The following FOLH1 variants were observed in gnomAD, a reference collection of about 807,000 sequenced individuals.
FOLH1 encodes folate hydrolase 1, also known as glutamate carboxypeptidase 2.
Under a neutral mutation model 93.9 loss-of-function variants are expected in FOLH1, and 54 were observed. The ratio of observed to expected loss-of-function variants is 0.57; its 90% CI spans 0.46 to 0.72. The LOEUF (loss-of-function observed/expected upper bound fraction) is 0.72, where lower values mean the gene tolerates loss of function less well. FOLH1 is among the 30% of genes least tolerant of loss of function. The probability of loss-of-function intolerance (pLI) is 0.00; values close to 1 mark genes in which losing one functional copy is unlikely to be tolerated. For missense variants in FOLH1, 571 were observed against 892.5 expected, an observed-to-expected ratio of 0.64 and a Z score of 4.59; for synonymous variants, 249 against 303.6, an observed-to-expected ratio of 0.82 and a Z score of 1.87.
chr11:49,192,434 A>G (rs1305240214), intron 4 of FOLH1, among the ~76,000 whole-genome samples: 3 of 152,230 alleles, frequency 2.0e-5, no homozygotes, highest in African/African-American at 4.8e-5. Flanking sequence ...AAAGAAAGAT[A>G]TCCTCTGGGG....
At chr11:49,167,659 A>G (rs1858574788) in intron 12 of FOLH1, among the ~76,000 whole-genome samples, 1 of 152,130 alleles carries the variant, frequency 6.6e-6, no homozygotes, top group African/African-American at 2.4e-5. Flanking sequence ...CACTAAAAAT[A>G]CAAAAATTAG....
At chr11:49,178,161 A>G (rs35664542) in intron 7 of FOLH1, among the ~76,000 whole-genome samples, 1 of 152,182 alleles carries the variant, frequency 6.6e-6, no homozygotes, top group Non-Finnish European at 1.5e-5. Context: ...TATGCAAATG[A>G]CACACCTGGT....
intron 10 of FOLH1, among the ~76,000 whole-genome samples, chr11:49,171,774 G>C (rs188034506): frequency 1.3e-3 from 201 of 151,928 alleles, no homozygotes; most frequent in African/African-American, 4.4e-3. Context: ...CAACAGCAAT[G>C]TTTGCTGTTG....
intron 7 of FOLH1, among the ~76,000 whole-genome samples, chr11:49,182,694 AAG>A (rs1168948472): frequency 2.6e-5 from 4 of 152,222 alleles, no homozygotes; most frequent in African/African-American, 9.6e-5. Flanking sequence ...GAGGAAAAGA[AAG>A]AGGAGTGTTG....
chr11:49,160,879 T>G (rs1857622084), intron 13 of FOLH1, among the ~76,000 whole-genome samples: 1 of 152,242 alleles, frequency 6.6e-6, no homozygotes, highest in African/African-American at 2.4e-5. Context: ...TTCCTGCTTT[T>G]ATCTCATTAT....
chr11:49,177,670 G>A (rs1292776006), intron 7 of FOLH1, among the ~76,000 whole-genome samples: 5 of 151,914 alleles, frequency 3.3e-5, no homozygotes, highest in East Asian at 3.9e-4. Context: ...ACCTGGAGCC[G>A]GGCGCGGTGG....
intron 15 of FOLH1, chr11:49,155,415 A>G (rs1054650292): frequency 5.1e-5 from 8 of 155,362 alleles, no homozygotes; most frequent in African/African-American, 1.9e-4. Context: ...GGAAAGGCTT[A>G]CAGAAACTTA....
intron 17 of FOLH1, among the ~76,000 whole-genome samples, chr11:49,151,022 C>A (rs1856455083): frequency 6.6e-6 from 1 of 152,228 alleles, no homozygotes; most frequent in African/African-American, 2.4e-5. Flanking sequence ...GTAACAGCCC[C>A]ATTTTGTAGA....
intron 3 of FOLH1, among the ~76,000 whole-genome samples, chr11:49,194,493 A>C (rs996815282): frequency 6.6e-6 from 1 of 152,110 alleles, no homozygotes; most frequent in African/African-American, 2.4e-5. Flanking sequence ...ATAAATTGGT[A>C]ATATATAACA....
chr11:49,167,746 C>A (rs1174588385), intron 12 of FOLH1, among the ~76,000 whole-genome samples: 1 of 151,804 alleles, frequency 6.6e-6, no homozygotes, highest in Admixed American at 6.6e-5. Flanking sequence ...CCTGGGAAAT[C>A]AAGACTAGTG....
At chr11:49,152,436 C>T (rs923464507) in intron 17 of FOLH1, among the ~76,000 whole-genome samples, 1 of 152,090 alleles carries the variant, frequency 6.6e-6, no homozygotes, top group African/African-American at 2.4e-5. Context: ...CTTCAGTGTA[C>T]CAGCTACAGC....
chr11:49,168,468 G>A (rs1372937236), intron 12 of FOLH1, among the ~76,000 whole-genome samples: 1 of 152,058 alleles, frequency 6.6e-6, no homozygotes, highest in African/African-American at 2.4e-5. Context: ...TTCAAAGTCA[G>A]CCTCAAATGC....
At chr11:49,177,206 T>C (rs1382907933) in intron 7 of FOLH1, among the ~76,000 whole-genome samples, 2 of 152,264 alleles carry the variant, frequency 1.3e-5, no homozygotes, top group African/African-American at 4.8e-5. Context: ...AAAGTGTAAA[T>C]AATTCCTCTC....
chr11:49,203,155 G>A (rs1360981809), intron 2 of FOLH1, among the ~76,000 whole-genome samples: 2 of 151,814 alleles, frequency 1.3e-5, no homozygotes, highest in Non-Finnish European at 1.5e-5. Context: ...ACAGACCTAT[G>A]TATTCAAATA....
intron 13 of FOLH1, among the ~76,000 whole-genome samples, chr11:49,162,450 ATTC>A (rs2134986256): frequency 6.6e-6 from 1 of 152,134 alleles, no homozygotes; most frequent in Admixed American, 6.5e-5. Flanking sequence ...TTTCAGCTCT[ATTC>A]TTCTCTAAAC....
chr11:49,148,280 T>C (rs1410533656), intron 18 of FOLH1, among the ~76,000 whole-genome samples: 2 of 151,110 alleles, frequency 1.3e-5, no homozygotes, highest in Non-Finnish European at 3.0e-5. Context: ...AGTAAAAATA[T>C]ATTTAAAATA....
chr11:49,154,072 G>C (rs1270628033), intron 16 of FOLH1, 145 bp from the exon 17 acceptor site: 1 of 1,346,604 alleles, frequency 7.4e-7, no homozygotes, highest in African/African-American at 1.5e-5. Context: ...TAAGACGTGA[G>C]CATCCATAAA....
chr11:49,208,590 T>G lies in FOLH1; in HGVS notation c.-181A>C. 1 of 491,736 alleles carries G rather than the reference T, an allele frequency of 2.0e-6. No individual in the cohort carries two copies. The highest frequency in any genetic ancestry group is 3.6e-6 in the Non-Finnish European group (1 of 277,796). 30.5% of individuals were successfully genotyped at this position (491,736 alleles called of 1,614,324 possible). On this transcript the variant is annotated 5_prime_UTR_variant, in exon 1 of 19. Transcript: ENST00000256999. ...CCAGTTTCTCCACCACAGCAGTGTT[T>G]CTAGAGTGCACTGAACCAATCCGAG...
chr11:49,195,492 A>G (rs1302605842), intron 3 of FOLH1, among the ~76,000 whole-genome samples: 1 of 152,130 alleles, frequency 6.6e-6, no homozygotes, highest in Non-Finnish European at 1.5e-5. Flanking sequence ...TAAGTTAAGC[A>G]TTCTACTGAG....
Sources: allele counts gnomAD v4.1 joint callset (sites outside exome capture counted in the v4.1 genomes callset), GRCh38; gene constraint gnomAD v4.1.1; transcripts MANE v1.5; gene names NCBI Gene and HGNC (gene_info 2026-07-23, HGNC 2026-07-21).